The following KRT83 variants were observed in gnomAD, a reference collection of about 807,000 sequenced individuals.
KRT83 encodes keratin 83.
Under a neutral mutation model 52.9 loss-of-function variants are expected in KRT83, and 51 were observed. The observed-to-expected ratio is 0.96, with a 90% CI of 0.77 to 1.22. KRT83 has a LOEUF of 1.22. KRT83 is among the 50% of genes most tolerant of loss of function. The probability of loss-of-function intolerance (pLI) is 0.00; values close to 1 mark genes in which losing one functional copy is unlikely to be tolerated. For missense variants in KRT83, 654 were observed against 666.5 expected (o/e 0.98, Z 0.21); for synonymous variants, 278 against 274.1 (o/e 1.01, Z -0.14).
Position 52,319,383 on chromosome 12 carries a change from G to A in KRT83, c.385-19C>T. The A allele has an allele frequency of 6.2e-7, 1 of 1,613,420 alleles. No individual in the cohort carries two copies. The highest frequency in any genetic ancestry group is 1.7e-5 in the Admixed American group (1 of 59,982). On this transcript the variant is annotated intron_variant, in intron 1 of 8. Coordinates refer to ENST00000293670, the MANE Select transcript of KRT83 (RefSeq NM_002282.3). ...AGCGCACCTGCCACCCAGAGGCAGA[G>A]CCTAAGAACCTCTTCTTGCAGCATC...
chr12:52,321,287 A>G lies in KRT83; in HGVS notation c.49T>C (p.Phe17Leu). 6.2e-7 allele frequency: 1 copy of G among 1,613,624 alleles called. No individual in the cohort carries two copies. Among genetic ancestry groups the G allele is most frequent in the Non-Finnish European group, 8.5e-7 (1 of 1,180,026 alleles). The change falls in exon 1 of 9, where the codon TTC becomes CTC. Residue 17 changes from phenylalanine (F) to leucine (L), a missense_variant. Phe to Leu is a conservative substitution (Grantham distance 22, BLOSUM62 0). Transcript: ENST00000293670. ...GGCCCGCAGGCAGAGACACAGCTGAAGTTTCCAGGGCGGAACCCACAGCCT... is the reference window on the plus strand; with the variant it reads ...GGCCCGCAGGCAGAGACACAGCTGAGGTTTCCAGGGCGGAACCCACAGCCT... The part of the protein sequence containing the change: ...SIGCGFRPGN[F>L]SCVSACGPRP...
chr12:52,319,089 C>A lies in KRT83; in HGVS notation c.593+67G>T. 2.5e-6 allele frequency: 4 copies of A among 1,609,164 alleles called. No homozygotes were observed. In the Admixed American group the frequency reaches 6.7e-5, roughly 27 times the overall value. On this transcript the variant is annotated intron_variant, in intron 2 of 8. Coordinates refer to ENST00000293670, the MANE Select transcript of KRT83 (RefSeq NM_002282.3). ...AGATGCCAGCTGCAGACTGGATACT[C>A]CTCCGGGCTCAGGGAGCTGCCACCA...
rs372371126 is a variant in KRT83, at chr12:52,316,971, A to G, written c.803T>C (p.Leu268Pro). ...CATGTTCAGGTCCCGGCTGTTGTCC[A>G]GCTTGACAACCACGGAGGTGTCTGA... ...HISDTSVVVK[L>P]DNSRDLNMDC... The change falls in exon 5 of 9, where the codon CTG (leucine) becomes CCG (proline). Residue 268 changes from leucine (L) to proline (P), a missense_variant. Transcript: ENST00000293670. The G allele has an allele frequency of 3.5e-5, 56 of 1,614,080 alleles. No homozygotes were observed. In the African/African-American group the frequency reaches 6.9e-4, roughly 20 times the overall value.
intron 6 of KRT83, 148 bp from the exon 7 acceptor site, chr12:52,316,261 T>TACACACACACAGACACACAC: frequency 2.5e-6 from 2 of 810,432 alleles, no homozygotes; most frequent in Non-Finnish European, 2.0e-6. Context: ...TCACTTACAC[T>TACACACACACAGACACACAC]ACACACACAC....
At chr12:52,316,361 C>T in intron 6 of KRT83, 107 bp downstream of exon 6, 1 of 1,504,250 alleles carries the variant, frequency 6.6e-7, no homozygotes, top group Non-Finnish European at 9.2e-7. Context: ...ACTCTGTCAC[C>T]CATGAGACTG....
At chr12:52,317,496 G>C (rs1163701728) in intron 4 of KRT83, among the ~76,000 whole-genome samples, 185 bp downstream of exon 4, 3 of 152,114 alleles carry the variant, frequency 2.0e-5, no homozygotes, top group Non-Finnish European at 4.4e-5. Flanking sequence ...TACTAAATTT[G>C]TTCCTTTTTG....
In KRT83 at chr12:52,317,771, C is replaced by T. The variant is rs766345093; in HGVS notation, c.660G>A (p.Val220=). ...CTGACTTGCGGAGGTAGGCGCAGTC[C>T]ACATCCTGGGTGGGGTAGAAGGGGC... ...ENEFVALKKD[V]DCAYLRKSDL... The change falls in exon 4 of 9, where the codon GTG becomes GTA. Residue 220 remains valine (V), a synonymous_variant. Coordinates refer to ENST00000293670, the MANE Select transcript of KRT83 (RefSeq NM_002282.3). 6.2e-7 allele frequency: 1 copy of T among 1,613,920 alleles called. No homozygotes were observed. Among genetic ancestry groups the T allele is most frequent in the South Asian group, 1.1e-5 (1 of 91,058 alleles).
Position 52,314,445 on chromosome 12 carries a change from C to T in KRT83, c.*186G>A, listed in dbSNP as rs1938653341. The stretch of plus-strand genomic sequence containing the variant: ...AGACAGGGGAAGGAATGGGTCTATT[C>T]CCCAGCCACAGGCCCCTTTCCAGTG... On this transcript the variant is annotated 3_prime_UTR_variant, in exon 9 of 9. Coordinates refer to ENST00000293670, the MANE Select transcript of KRT83 (RefSeq NM_002282.3). 1.5e-6 allele frequency: 1 copy of T among 667,874 alleles called. No individual in the cohort carries two copies. Among genetic ancestry groups the T allele is most frequent in the Non-Finnish European group, 2.7e-6 (1 of 371,026 alleles). The allele number at this position is 667,874 out of a possible 1,614,324, so 41.4% of individuals were successfully genotyped here. A position where few individuals can be genotyped will look rare whatever the true frequency, so the allele number is the denominator to read the frequency against.
At chr12:52,318,079 C>A in intron 2 of KRT83, 109 bp from the exon 3 acceptor site, 1 of 1,017,474 alleles carries the variant, frequency 9.8e-7, no homozygotes, top group East Asian at 2.4e-5. Flanking sequence ...TTGTCTCCTG[C>A]CCCCAAGTGA....
chr12:52,317,150 T>C (rs2121341835), intron 4 of KRT83, 127 bp from the exon 5 acceptor site: 6 of 1,221,328 alleles, frequency 4.9e-6, no homozygotes, highest in Middle Eastern at 1.9e-4. Context: ...CCTGATGAAA[T>C]CACATAACTT....
At chr12:52,315,695 C>T (rs1266032199) in intron 7 of KRT83, among the ~76,000 whole-genome samples, 198 bp downstream of exon 7, 1 of 152,188 alleles carries the variant, frequency 6.6e-6, no homozygotes, top group African/African-American at 2.4e-5. Context: ...GGCCAGCAAC[C>T]CTGCCCTAGA....
In KRT83 at chr12:52,317,114, G is replaced by A. The variant is rs2857668; in HGVS notation, c.751-91C>T. The A allele has an allele frequency of 0.41, 627,203 of 1,532,798 alleles. 130,794 individuals carry two copies. The highest frequency in any genetic ancestry group is 0.49 in the African/African-American group (35,573 of 73,060). The allele number at this position is 1,532,798 out of a possible 1,614,324, so 94.9% of individuals were successfully genotyped here. A position where few individuals can be genotyped will look rare whatever the true frequency, so the allele number is the denominator to read the frequency against. On this transcript the variant is annotated intron_variant, in intron 4 of 8. Coordinates refer to ENST00000293670, the MANE Select transcript of KRT83 (RefSeq NM_002282.3). ...ATCATCCTTTTGGCTCATCGGGAGT[G>A]AACTTCTCATGTTTAGAGAAACAAA...
Position 52,320,982 on chromosome 12 carries a change from G to T in KRT83, c.354C>A (p.Leu118=). The part of the protein sequence containing the change: ...KQEEKEQIKS[L]NSRFAAFIDK... ...CGATGAAGGCCGCGAATCTGCTGTT[G>T]AGGGACTTGATCTGCTCCTTCTCCT... is the stretch of plus-strand genomic sequence containing the variant. The change falls in exon 1 of 9, where the codon CTC becomes CTA. Residue 118 remains leucine, a synonymous_variant. Transcript: ENST00000293670. 6.2e-7 allele frequency: 1 copy of T among 1,613,824 alleles called. No individual in the cohort carries two copies. The highest frequency in any genetic ancestry group is 1.7e-4 in the Middle Eastern group (1 of 5,888).
chr12:52,315,981 T>C lies in KRT83; in HGVS notation c.1174A>G (p.Arg392Gly). ...GAGTTCATCACCTCCTGGTACTCCC[T>C]GATCAGGCAGGCCATGTCTTGCTTG... ...KAKQDMACLIREYQEVMNSKL... is the reference protein window; with the variant it reads ...KAKQDMACLIGEYQEVMNSKL... Residue 392 changes from arginine (R) to glycine (G), a missense_variant, in exon 7 of 9, where the codon AGG (arginine) becomes GGG (glycine). Physicochemically the swap from Arg to Gly is moderately radical, Grantham distance 125. Coordinates refer to ENST00000293670, the MANE Select transcript of KRT83 (RefSeq NM_002282.3). 6.2e-7 allele frequency: 1 copy of C among 1,613,234 alleles called. No homozygotes were observed.
At chr12:52,315,243 A>C in intron 8 of KRT83, 69 bp downstream of exon 8, 1 of 1,471,826 alleles carries the variant, frequency 6.8e-7, no homozygotes. Context: ...AAGTCTCTGC[A>C]TATATTCATA....
chr12:52,319,824 C>A (rs1247901056), intron 1 of KRT83, among the ~76,000 whole-genome samples: 1 of 152,154 alleles, frequency 6.6e-6, no homozygotes, highest in Non-Finnish European at 1.5e-5. Context: ...AAAGCATGTG[C>A]CAATTATTCA....
chr12:52,318,259 T>C (rs1399839597), intron 2 of KRT83, among the ~76,000 whole-genome samples: 1 of 151,954 alleles, frequency 6.6e-6, no homozygotes, highest in Non-Finnish European at 1.5e-5. Flanking sequence ...CACTGCAAGC[T>C]CCGCCTCCCA....
At chr12:52,317,198 A>G (rs1938701550) in intron 4 of KRT83, among the ~76,000 whole-genome samples, 175 bp from the exon 5 acceptor site, 1 of 152,156 alleles carries the variant, frequency 6.6e-6, no homozygotes, top group African/African-American at 2.4e-5. Context: ...GGAAAACACA[A>G]CCACTTCTCA....
chr12:52,316,261 T>TACACTACACACACACAC lies in KRT83; in HGVS notation c.1042-149_1042-148insGTGTGTGTGTGTAGTGT, dbSNP rs1555189055. On this transcript the variant is annotated intron_variant, in intron 6 of 8. Coordinates refer to ENST00000293670, the MANE Select transcript of KRT83 (RefSeq NM_002282.3). Reference sequence around the variant, plus strand: ...ACCTTCCTTCCCTCCTCACTTACACTACACACACACACACACACACACACC... The same window carrying TACACTACACACACACAC: ...ACCTTCCTTCCCTCCTCACTTACACTACACTACACACACACACACACACACACACACACACACACACC... 115 of 812,336 alleles carry TACACTACACACACACAC rather than the reference T, an allele frequency of 1.4e-4. No homozygotes were observed. In the South Asian group the frequency reaches 1.9e-3, roughly 13 times the overall value. The allele number at this position is 812,336 out of a possible 1,614,324, so 50.3% of individuals were successfully genotyped here.
Sources: allele counts gnomAD v4.1 joint callset (sites outside exome capture counted in the v4.1 genomes callset), GRCh38; gene constraint gnomAD v4.1.1; transcripts MANE v1.5; gene names NCBI Gene and HGNC (gene_info 2026-07-23, HGNC 2026-07-21).